Variants in SNTB2 observed in about 807,000 individuals in gnomAD.
SNTB2 encodes the protein syntrophin beta 2, also known as beta-2-syntrophin.
In SNTB2, 34 loss-of-function variants were observed where a neutral mutation model predicts 46.2. The observed-to-expected ratio is 0.74, with a 90% CI of 0.56 to 0.98. The LOEUF (loss-of-function observed/expected upper bound fraction) is 0.98. Among genes scored for constraint, SNTB2 ranks in the 50% least tolerant of loss-of-function variants. The pLI is 0.00. For synonymous variants in SNTB2, 290 were observed against 312.6 expected, an observed-to-expected ratio of 0.93 and a Z score of 0.76; for missense variants, 603 against 731.4, an observed-to-expected ratio of 0.82 and a Z score of 2.02.
chr16:69,262,959 C>CATTATTATTA (rs1409362204), intron 3 of SNTB2, among the ~76,000 whole-genome samples: 1 of 151,798 alleles, frequency 6.6e-6, no homozygotes, highest in East Asian at 2.0e-4. Context: ...CCGGCCAATA[C>CATTATTATTA]ATTATTATTA....
chr16:69,210,477 A>G (rs527466008), intron 1 of SNTB2, among the ~76,000 whole-genome samples: 4 of 151,692 alleles, frequency 2.6e-5, no homozygotes, highest in African/African-American at 9.7e-5. Flanking sequence ...ATATCAGGCA[A>G]TCCACCTGCC....
intron 2 of SNTB2, among the ~76,000 whole-genome samples, chr16:69,255,559 TA>T (rs1239002276): frequency 2.8e-3 from 348 of 125,632 alleles, no homozygotes; most frequent in Middle Eastern, 4.0e-3. Context: ...GACTCCGTCT[TA>T]AAAAAAAAAA....
chr16:69,212,589 G>A (rs1450975972), intron 1 of SNTB2, among the ~76,000 whole-genome samples: 2 of 151,982 alleles, frequency 1.3e-5, no homozygotes, highest in Admixed American at 6.6e-5. Context: ...CACCCACCTC[G>A]GCCTCCCAAA....
At chr16:69,214,501 A>G (rs889748528) in intron 1 of SNTB2, among the ~76,000 whole-genome samples, 3 of 151,640 alleles carry the variant, frequency 2.0e-5, no homozygotes, top group Admixed American at 6.6e-5. Flanking sequence ...ATACAACTCT[A>G]ATAAACATAT....
At position 69,187,226 on chromosome 16, in the gene SNTB2, G is replaced by T; in HGVS notation, c.60G>T (p.Thr20=). Residue 20 remains threonine, a synonymous_variant, in exon 1 of 7, where the codon ACG becomes ACT. Coordinates refer to ENST00000336278, the MANE Select transcript of SNTB2 (RefSeq NM_006750.4). ...AGAGPAMAVW[T]RATKAGLVEL... ...CGGGGCCGGCCATGGCGGTGTGGACGCGGGCCACCAAAGCGGGGCTGGTGG... is the reference window on the plus strand; with the variant it reads ...CGGGGCCGGCCATGGCGGTGTGGACTCGGGCCACCAAAGCGGGGCTGGTGG... 1 of 1,447,552 alleles carries T rather than the reference G, an allele frequency of 6.9e-7. No homozygotes were observed. 89.7% of individuals were successfully genotyped at this position (1,447,552 alleles called of 1,614,324 possible). A position where few individuals can be genotyped will look rare whatever the true frequency, so the allele number is the denominator to read the frequency against.
At chr16:69,236,291 C>T (rs1964559954) in intron 1 of SNTB2, among the ~76,000 whole-genome samples, 1 of 152,082 alleles carries the variant, frequency 6.6e-6, no homozygotes. Flanking sequence ...CGGGAGTGGC[C>T]TGGTATGAGT....
chr16:69,245,220 G>A (rs750533943), intron 1 of SNTB2, among the ~76,000 whole-genome samples: 10 of 151,740 alleles, frequency 6.6e-5, no homozygotes, highest in Non-Finnish European at 1.3e-4. Flanking sequence ...TGTTTTTGAG[G>A]CAGAGTCTTG....
intron 5 of SNTB2, among the ~76,000 whole-genome samples, chr16:69,292,379 T>TATTA (rs1491168503): frequency 3.3e-5 from 1 of 30,304 alleles, no homozygotes; most frequent in African/African-American, 1.7e-4. Flanking sequence ...TATATATATA[T>TATTA]TATATATATA....
intron 1 of SNTB2, among the ~76,000 whole-genome samples, chr16:69,199,681 C>T (rs1273684971): frequency 6.7e-6 from 1 of 149,972 alleles, no homozygotes; most frequent in African/African-American, 2.5e-5. Flanking sequence ...ATCTAGATTG[C>T]AGTTAATTTT....
At chr16:69,281,060 G>C (rs889622808) in intron 4 of SNTB2, among the ~76,000 whole-genome samples, 2 of 152,186 alleles carry the variant, frequency 1.3e-5, no homozygotes, top group African/African-American at 4.8e-5. Context: ...CTCCCAAAGT[G>C]CTGGGATTAC....
chr16:69,271,879 T>C (rs1274314090), intron 4 of SNTB2, among the ~76,000 whole-genome samples: 1 of 152,218 alleles, frequency 6.6e-6, no homozygotes, highest in Non-Finnish European at 1.5e-5. Flanking sequence ...ATTTCTTGGC[T>C]ATAGAGTAGA....
intron 1 of SNTB2, among the ~76,000 whole-genome samples, chr16:69,217,323 A>C (rs1450453054): frequency 6.6e-6 from 1 of 152,046 alleles, no homozygotes; most frequent in Non-Finnish European, 1.5e-5. Context: ...AAAATACAAA[A>C]ATTAGCCGAA....
At chr16:69,253,258 G>A (rs542223961) in intron 2 of SNTB2, among the ~76,000 whole-genome samples, 3 of 151,826 alleles carry the variant, frequency 2.0e-5, no homozygotes, top group African/African-American at 4.8e-5. Context: ...TAGACTCATC[G>A]GTCCTATTTT....
chr16:69,276,527 C>T (rs1408228476), intron 4 of SNTB2, among the ~76,000 whole-genome samples: 2 of 152,206 alleles, frequency 1.3e-5, no homozygotes, highest in African/African-American at 2.4e-5. Flanking sequence ...TTCACCAACA[C>T]TTTGTCTTAC....
chr16:69,271,678 T>C (rs1009684771), intron 4 of SNTB2, among the ~76,000 whole-genome samples: 1 of 152,208 alleles, frequency 6.6e-6, no homozygotes. Context: ...TTTAGGAATA[T>C]GGCTGTGGAG....
rs1225787454 is a variant in SNTB2 at position 69,187,473 on chromosome 16, C to T, written c.307C>T (p.Pro103Ser). Residue 103 changes from proline (P) to serine (S), a missense_variant, in exon 1 of 7, where the codon CCC (proline) becomes TCC (serine). Physicochemically the swap from Pro to Ser is moderately conservative, Grantham distance 74. This residue lies in a region of SNTB2 where 537 missense variants were observed against 692.4 expected (regional missense o/e 0.78). Transcript: ENST00000336278. Reference sequence around the variant, plus strand: ...GAGCCCGCCGGCGCCGCCTCGGGGCCCCGCGGGTGAGGCGGGCGCGTCGCC... The same window carrying T: ...GAGCCCGCCGGCGCCGCCTCGGGGCTCCGCGGGTGAGGCGGGCGCGTCGCC... ...PPSPPAPPRG[P>S]AGEAGASPPV... The T allele has an allele frequency of 3.3e-6, 4 of 1,211,864 alleles. No individual in the cohort carries two copies. The African/African-American group carries it at 4.8e-5, about 14-fold the overall frequency. 75.1% of individuals were successfully genotyped at this position (1,211,864 alleles called of 1,614,324 possible). A position where few individuals can be genotyped will look rare whatever the true frequency, so the allele number is the denominator to read the frequency against.
intron 1 of SNTB2, among the ~76,000 whole-genome samples, chr16:69,199,202 A>G (rs879579005): frequency 2.0e-5 from 3 of 152,098 alleles, no homozygotes; most frequent in Admixed American, 2.0e-4. Context: ...GCCTATAATA[A>G]TGATTTTTAA....
At chr16:69,297,961 T>G (rs1965243725) in intron 5 of SNTB2, among the ~76,000 whole-genome samples, 1 of 152,072 alleles carries the variant, frequency 6.6e-6, no homozygotes. Context: ...TTAAAATTGT[T>G]TAGACATTGC....
intron 4 of SNTB2, among the ~76,000 whole-genome samples, chr16:69,281,589 G>A (rs957795541): frequency 2.7e-5 from 4 of 150,444 alleles, no homozygotes; most frequent in African/African-American, 7.3e-5. Context: ...GGTGGCTCAC[G>A]CCTGTAATCC....
Sources: allele counts gnomAD v4.1 joint callset (sites outside exome capture counted in the v4.1 genomes callset), GRCh38; gene constraint gnomAD v4.1.1; regional missense constraint gnomAD v4.1.1; transcripts MANE v1.5; gene names NCBI Gene and HGNC (gene_info 2026-07-23, HGNC 2026-07-21).